SYT1: variants seen among roughly 807,000 people sequenced by gnomAD.
SYT1 encodes synaptotagmin-1.
A neutral mutation model predicts 44.8 loss-of-function variants in SYT1; 8 were observed. The observed-to-expected ratio is 0.18, with a 90% CI of 0.10 to 0.32. SYT1 has a LOEUF of 0.32. SYT1 is among the 10% of genes least tolerant of loss of function. The probability of loss-of-function intolerance (pLI) is 1.00; values close to 1 mark genes in which losing one functional copy is unlikely to be tolerated. For synonymous variants in SYT1, 154 were observed against 188.8 expected, an observed-to-expected ratio of 0.82 and a Z score of 1.51; for missense variants, 286 against 509.3, an observed-to-expected ratio of 0.56 and a Z score of 4.22.
intron 3 of SYT1, among the ~76,000 whole-genome samples, chr12:79,137,897 C>G (rs1042094357): frequency 6.6e-6 from 1 of 152,156 alleles, no homozygotes; most frequent in Non-Finnish European, 1.5e-5. Context: ...TTTCTCTGCA[C>G]AAATTTCTTT....
intron 1 of SYT1, among the ~76,000 whole-genome samples, chr12:78,914,906 A>G (rs183531035): frequency 1.3e-5 from 2 of 152,182 alleles, no homozygotes; most frequent in East Asian, 3.9e-4. Context: ...AAGATTACAA[A>G]TGCCACATTA....
chr12:79,371,093 C>T (rs1361461262), intron 9 of SYT1, among the ~76,000 whole-genome samples: 1 of 152,148 alleles, frequency 6.6e-6, no homozygotes, highest in Non-Finnish European at 1.5e-5. Flanking sequence ...TTACTAATTT[C>T]GTCTTGTTTA....
chr12:78,876,216 C>CTCTA (rs1874060745), intron 1 of SYT1, among the ~76,000 whole-genome samples: 1 of 151,450 alleles, frequency 6.6e-6, no homozygotes, highest in South Asian at 2.1e-4. Flanking sequence ...ATTATTTTTC[C>CTCTA]TCTATCTAGT....
intron 2 of SYT1, among the ~76,000 whole-genome samples, chr12:78,998,476 T>A (rs561509608): frequency 6.6e-6 from 1 of 152,276 alleles, no homozygotes; most frequent in East Asian, 1.9e-4. Context: ...TACTGTGCCA[T>A]GACATAACAC....
At chr12:79,246,117 A>C (rs1876836996) in intron 4 of SYT1, among the ~76,000 whole-genome samples, 1 of 152,130 alleles carries the variant, frequency 6.6e-6, no homozygotes, top group Non-Finnish European at 1.5e-5. Flanking sequence ...TTTTAATCAT[A>C]AGATTAAAAT....
rs1188925323 is a variant in SYT1, at chr12:79,416,988, T to C, written c.929-27085T>C. 2.0e-5 allele frequency among the ~76,000 whole-genome samples: 3 copies of C among 152,142 alleles called. No individual in the cohort carries two copies. In the East Asian group the frequency reaches 5.8e-4, roughly 29 times the overall value. ...ATATGTGTGTGTGTGTGTTTTCTCT[T>C]CTTCAAGATTCCTATAATATCTAAC... On this transcript the variant is annotated intron_variant, in intron 9 of 10. Coordinates refer to ENST00000261205, the MANE Select transcript of SYT1 (RefSeq NM_005639.3).
In SYT1 at chr12:78,947,918, T is replaced by C. The variant is rs375554688; in HGVS notation, c.-216-29881T>C. Among the ~76,000 whole-genome samples the C allele has an allele frequency of 8.9e-4, 135 of 152,084 alleles. 6 individuals are homozygous for C. The South Asian group carries it at 0.027, about 30-fold the overall frequency. On this transcript the variant is annotated intron_variant, in intron 1 of 10. Coordinates refer to ENST00000261205, the MANE Select transcript of SYT1 (RefSeq NM_005639.3). ...CATTTTAATAAATATTTTATTTTAA[T>C]CTATTAAAATCCCTTCATAGCCCAC...
intron 8 of SYT1, among the ~76,000 whole-genome samples, chr12:79,322,355 TA>T (rs953118716): frequency 2.6e-5 from 4 of 152,006 alleles, no homozygotes; most frequent in Non-Finnish European, 5.9e-5. Context: ...TCTTTCCTTT[TA>T]AAAAAAACTC....
intron 2 of SYT1, among the ~76,000 whole-genome samples, chr12:78,983,176 C>G (rs1349141059): frequency 6.6e-6 from 1 of 151,522 alleles, no homozygotes; most frequent in South Asian, 2.1e-4. Context: ...TTAATATAAT[C>G]CACTATTTTA....
intron 2 of SYT1, among the ~76,000 whole-genome samples, chr12:79,045,270 G>C (rs1005742707): frequency 6.6e-6 from 1 of 152,186 alleles, no homozygotes; most frequent in African/African-American, 2.4e-5. Flanking sequence ...AGCAATCAGC[G>C]AGACTACGTG....
At chr12:79,291,951 A>C (rs916403728) in intron 5 of SYT1, 57 bp from the exon 6 acceptor site, 4 of 1,607,710 alleles carry the variant, frequency 2.5e-6, no homozygotes, top group Admixed American at 3.4e-5. Context: ...GGCCCAGTTC[A>C]ATTTGAGTTT....
intron 3 of SYT1, among the ~76,000 whole-genome samples, chr12:79,130,736 T>G (rs1343666696): frequency 6.6e-6 from 1 of 152,114 alleles, no homozygotes; most frequent in African/African-American, 2.4e-5. Context: ...AATATAAAGC[T>G]CATGCTGCTT....
intron 1 of SYT1, among the ~76,000 whole-genome samples, chr12:78,917,991 A>G (rs1186956111): frequency 6.6e-6 from 1 of 152,108 alleles, no homozygotes; most frequent in African/African-American, 2.4e-5. Context: ...TCAGAAATGT[A>G]CAAGCAATAT....
At chr12:79,274,561 C>T (rs913870437) in intron 4 of SYT1, among the ~76,000 whole-genome samples, 26 of 152,170 alleles carry the variant, frequency 1.7e-4, no homozygotes, top group Non-Finnish European at 1.5e-5. Flanking sequence ...CTTGGGCAGC[C>T]GCAGCGCAAA....
chr12:79,272,136 A>G (rs1273610660), intron 4 of SYT1, among the ~76,000 whole-genome samples: 1 of 152,224 alleles, frequency 6.6e-6, no homozygotes, highest in Admixed American at 6.5e-5. Flanking sequence ...CATTTGAAAA[A>G]AGAAAGAATG....
intron 1 of SYT1, among the ~76,000 whole-genome samples, chr12:78,906,484 A>T (rs1205330521): frequency 2.0e-5 from 3 of 152,148 alleles, no homozygotes; most frequent in African/African-American, 7.2e-5. Flanking sequence ...ACTAAGTTGT[A>T]AAATATTTAG....
At chr12:78,950,844 T>A (rs1301265948) in intron 1 of SYT1, among the ~76,000 whole-genome samples, 1 of 152,108 alleles carries the variant, frequency 6.6e-6, no homozygotes, top group Non-Finnish European at 1.5e-5. Context: ...CTAACATCCT[T>A]AACAGGAAAC....
intron 2 of SYT1, among the ~76,000 whole-genome samples, chr12:79,019,128 T>G (rs368569532): frequency 2.6e-5 from 4 of 152,054 alleles, no homozygotes; most frequent in African/African-American, 9.7e-5. Flanking sequence ...GTTTTTGAAG[T>G]GTTGTCCTGT....
chr12:79,277,435 G>T (rs1182851800), intron 4 of SYT1, among the ~76,000 whole-genome samples: 1 of 152,074 alleles, frequency 6.6e-6, no homozygotes, highest in African/African-American at 2.4e-5. Flanking sequence ...ATAAATAAAG[G>T]TGAAGTAAAG....
Sources: allele counts gnomAD v4.1 joint callset (sites outside exome capture counted in the v4.1 genomes callset), GRCh38; gene constraint gnomAD v4.1.1; transcripts MANE v1.5; gene names NCBI Gene and HGNC (gene_info 2026-07-23, HGNC 2026-07-21).